The following ZNF567 variants were observed in gnomAD, a reference collection of about 807,000 sequenced individuals.
ZNF567 encodes the protein zinc finger protein 567.
In ZNF567, 36 loss-of-function variants were observed where a neutral mutation model predicts 53.9. The ratio of observed to expected loss-of-function variants is 0.67; its 90% CI spans 0.51 to 0.88. The LOEUF (loss-of-function observed/expected upper bound fraction) is 0.88, where lower values mean the gene tolerates loss of function less well. Ranked by LOEUF, ZNF567 falls within the 40% of genes least tolerant of loss-of-function variation. The pLI, the probability that ZNF567 is intolerant of heterozygous loss-of-function variation, is 0.00. For missense variants in ZNF567, 619 were observed against 764.7 expected (o/e 0.81, Z 2.25); for synonymous variants, 224 against 260.4 (o/e 0.86, Z 1.35).
At chr19:36,670,834 G>A in the ZNF567 span, among the ~76,000 whole-genome samples, 8 of 152,206 alleles carry the variant, frequency 5.3e-5, no homozygotes, top group South Asian at 8.3e-4. Context: ...GGGCGTGGTG[G>A]CTCACACCTG....
downstream of ZNF567, chr19:36,723,311 C>T (rs1336470173): frequency 1.9e-5 from 13 of 696,300 alleles, no homozygotes; most frequent in Non-Finnish European, 3.1e-5. Context: ...CCAGACATTT[C>T]AGTGGCTACC....
In ZNF567 at chr19:36,719,388, A is replaced by G. The variant is rs2145915564; in HGVS notation, c.664A>G (p.Arg222Gly). Residue 222 changes from arginine (R) to glycine (G), a missense_variant, in exon 6 of 6, where the codon AGG becomes GGG. By Grantham distance (125) the Arg-to-Gly change is moderately radical. Coordinates refer to ENST00000682579, the MANE Select transcript of ZNF567 (RefSeq NM_001322917.1). ...YNDCEKSFLQRGGLITHSRPY... is the reference protein window; with the variant it reads ...YNDCEKSFLQGGGLITHSRPY... ...TGACTGTGAGAAATCATTCCTTCAAAGGGGAGGCCTGATTACACATAGTAG... is the reference window on the plus strand; with the variant it reads ...TGACTGTGAGAAATCATTCCTTCAAGGGGGAGGCCTGATTACACATAGTAG... 6.2e-7 allele frequency: 1 copy of G among 1,613,946 alleles called. No individual in the cohort carries two copies. The highest frequency in any genetic ancestry group is 1.1e-5 in the South Asian group (1 of 91,054).
chr19:36,722,226 C>T (rs919684489), downstream of ZNF567, among the ~76,000 whole-genome samples: 1 of 152,104 alleles, frequency 6.6e-6, no homozygotes, highest in Non-Finnish European at 1.5e-5. Flanking sequence ...GCAGGTCCTT[C>T]TTGGGAAGGA....
the ZNF567 span, among the ~76,000 whole-genome samples, chr19:36,681,556 A>T: frequency 6.6e-6 from 1 of 151,934 alleles, no homozygotes; most frequent in African/African-American, 2.4e-5. Context: ...CAGCCTCCCA[A>T]GTATCTGGGA....
the ZNF567 span, among the ~76,000 whole-genome samples, chr19:36,672,906 G>A: frequency 6.6e-6 from 1 of 152,148 alleles, no homozygotes; most frequent in Non-Finnish European, 1.5e-5. Context: ...GAAGAAGGTA[G>A]GTATGAATAC....
the ZNF567 span, among the ~76,000 whole-genome samples, chr19:36,681,933 A>G: frequency 2.6e-5 from 4 of 152,244 alleles, no homozygotes; most frequent in South Asian, 8.3e-4. Flanking sequence ...AAGACATACA[A>G]CCAGATATAT....
At chr19:36,708,674 C>G (rs1156833383) in intron 3 of ZNF567, among the ~76,000 whole-genome samples, 5 of 152,198 alleles carry the variant, frequency 3.3e-5, no homozygotes, top group African/African-American at 4.8e-5. Flanking sequence ...TCTTTTTACT[C>G]TCTCCAAAAT....
chr19:36,720,100 G>T lies in ZNF567; in HGVS notation c.1376G>T (p.Arg459Leu). Reference protein sequence around the residue: ...YICSECGKSFRQKTTLVAHQR... With the variant: ...YICSECGKSFLQKTTLVAHQR... ...TGTAGTGAATGTGGAAAGTCCTTCC[G>T]CCAGAAGACAACCCTTGTAGCACAT... Residue 459 changes from arginine (R) to leucine (L), a missense_variant, in exon 6 of 6, where the codon CGC becomes CTC. By Grantham distance (102) the Arg-to-Leu change is moderately radical (BLOSUM62 -2). Transcript: ENST00000682579. 6.2e-7 allele frequency: 1 copy of T among 1,614,040 alleles called. No individual in the cohort carries two copies. The highest frequency in any genetic ancestry group is 8.5e-7 in the Non-Finnish European group (1 of 1,179,986).
chr19:36,691,132 A>T (rs78021170), intron 2 of ZNF567, among the ~76,000 whole-genome samples: 3,864 of 152,132 alleles, frequency 0.025, 156 homozygotes, highest in African/African-American at 0.088. Flanking sequence ...GGCCTCCAGG[A>T]TACTTTGGAT....
At chr19:36,708,935 A>G (rs1010790286) in intron 3 of ZNF567, among the ~76,000 whole-genome samples, 12 of 152,210 alleles carry the variant, frequency 7.9e-5, no homozygotes, top group Non-Finnish European at 1.3e-4. Flanking sequence ...TACAGTATGG[A>G]TCTTCAACTT....
downstream of ZNF567, among the ~76,000 whole-genome samples, chr19:36,723,963 T>C (rs2040323391): frequency 6.6e-6 from 1 of 151,920 alleles, no homozygotes; most frequent in Admixed American, 6.6e-5. Flanking sequence ...GAGTTTCTTA[T>C]GAAACTGTCT....
At position 36,720,606 on chromosome 19, in the gene ZNF567, T is replaced by C. The variant is rs767491327; in HGVS notation, c.1882T>C (p.Tyr628His). ...VCNECGKSFS[Y>H]KRNLIVHQRT... The stretch of plus-strand genomic sequence containing the variant: ...TAATGAGTGTGGTAAGTCTTTCAGT[T>C]ATAAGAGAAACCTCATTGTCCATCA... The change falls in exon 6 of 6, where the codon TAT becomes CAT. Residue 628 changes from tyrosine (Y) to histidine (H), a missense_variant. Tyr to His is a moderately conservative substitution (Grantham distance 83). Coordinates refer to ENST00000682579, the MANE Select transcript of ZNF567 (RefSeq NM_001322917.1). The C allele has an allele frequency of 6.3e-7, 1 of 1,595,342 alleles. No individual in the cohort carries two copies. Among genetic ancestry groups the C allele is most frequent in the East Asian group, 2.2e-5 (1 of 44,638 alleles).
chr19:36,715,503 A>ATT (rs1568711424), intron 5 of ZNF567, among the ~76,000 whole-genome samples: 312 of 30,770 alleles, frequency 0.01, no homozygotes, highest in Admixed American at 0.021. Context: ...TAATAATAAT[A>ATT]ATAATAATTA....
At chr19:36,706,174 G>T (rs1042311652) in intron 3 of ZNF567, among the ~76,000 whole-genome samples, 2 of 152,286 alleles carry the variant, frequency 1.3e-5, no homozygotes, top group Middle Eastern at 3.4e-3. Context: ...CACATGCTAC[G>T]TGAAGCCCCT....
chr19:36,702,369 A>T (rs1405913186), intron 3 of ZNF567, among the ~76,000 whole-genome samples: 1 of 151,352 alleles, frequency 6.6e-6, no homozygotes, highest in Non-Finnish European at 1.5e-5. Flanking sequence ...TTTTTCCTTC[A>T]TTTCAACTTC....
intron 5 of ZNF567, among the ~76,000 whole-genome samples, chr19:36,715,503 AATAATAATTATT>A (rs1399202076): frequency 1.5e-3 from 45 of 30,796 alleles, no homozygotes; most frequent in African/African-American, 5.3e-3. Context: ...TAATAATAAT[AATAATAATTATT>A]ATTATTATTA....
chr19:36,676,055 CTTTTTTT>C, the ZNF567 span, among the ~76,000 whole-genome samples: 7 of 60,618 alleles, frequency 1.2e-4, no homozygotes, highest in South Asian at 1.6e-3. Flanking sequence ...TATTCTACAC[CTTTTTTT>C]TTTTTTTTTT....
At chr19:36,683,235 T>C (rs1217283531), upstream of ZNF567, among the ~76,000 whole-genome samples, 1 of 151,958 alleles carries the variant, frequency 6.6e-6, no homozygotes, top group African/African-American at 2.4e-5. Context: ...CACACCCAGC[T>C]AATTTTTTGT....
At chr19:36,726,195 C>T (rs2040334534), downstream of ZNF567, among the ~76,000 whole-genome samples, 1 of 152,142 alleles carries the variant, frequency 6.6e-6, no homozygotes, top group East Asian at 1.9e-4. Context: ...TCATTTGTTT[C>T]AAGTGTGTGA....
Sources: gnomAD v4.1 joint callset for allele counts (sites outside exome capture counted in the v4.1 genomes callset) on GRCh38, gnomAD v4.1.1 for gene constraint, MANE v1.5 for transcripts, NCBI Gene and HGNC (gene_info 2026-07-23, HGNC 2026-07-21) for gene names.